EPS8: variants seen among roughly 807,000 people sequenced by gnomAD.
EPS8 encodes the protein epidermal growth factor receptor kinase substrate 8.
EPS8 carries 42 observed loss-of-function variants against 103.8 expected under a neutral mutation model. The observed-to-expected ratio is 0.40, with a 90% CI of 0.32 to 0.52. The LOEUF (loss-of-function observed/expected upper bound fraction) is 0.52. Among genes scored for constraint, EPS8 ranks in the 20% least tolerant of loss-of-function variants. EPS8 has a pLI of 0.40. For missense variants in EPS8, 969 were observed against 1,005.1 expected (o/e 0.96, Z 0.49); for synonymous variants, 344 against 344.6 (o/e 1.00, Z 0.02).
intron 12 of EPS8, among the ~76,000 whole-genome samples, chr12:15,657,597 AT>A (rs1362379911): frequency 6.6e-6 from 1 of 152,190 alleles, no homozygotes; most frequent in Non-Finnish European, 1.5e-5. Context: ...CTCAATTTGT[AT>A]TTGTAGAACC....
At chr12:15,662,748 T>A in intron 8 of EPS8, 2 of 693,796 alleles carry the variant, frequency 2.9e-6, no homozygotes, top group Non-Finnish European at 3.5e-6. Flanking sequence ...TATCATGAAC[T>A]CCTTCCTGGT....
chr12:15,696,527 G>A lies in EPS8; in HGVS notation c.-21-13555C>T, dbSNP rs1946245316. On this transcript the variant is annotated intron_variant, in intron 1 of 20. Coordinates refer to ENST00000281172, the MANE Select transcript of EPS8 (RefSeq NM_004447.6). This position sits in a 1 kb window ranked among gnomAD's most constrained non-coding sequence, Gnocchi z 4.8. ...ATGATGACATATACCTGTAATCCCA[G>A]CTACTCGGGAGGCTAAGGCAGAAGA... Among the ~76,000 whole-genome samples the A allele has an allele frequency of 6.6e-6, 1 of 152,050 alleles. No individual in the cohort carries two copies. The highest frequency in any genetic ancestry group is 2.4e-5 in the African/African-American group (1 of 41,400).
At chr12:15,754,664 C>G (rs1013285171) in intron 1 of EPS8, among the ~76,000 whole-genome samples, 1 of 152,166 alleles carries the variant, frequency 6.6e-6, no homozygotes, top group African/African-American at 2.4e-5. Flanking sequence ...TTTGAACACC[C>G]AACTTCATGT....
chr12:15,737,671 A>G (rs1269832678), intron 1 of EPS8, among the ~76,000 whole-genome samples: 3 of 152,210 alleles, frequency 2.0e-5, no homozygotes, highest in African/African-American at 7.2e-5. Flanking sequence ...CTGAAAACAG[A>G]AAGTCCGGCT....
chr12:15,770,708 C>T (rs1161298612), intron 1 of EPS8, among the ~76,000 whole-genome samples: 1 of 152,132 alleles, frequency 6.6e-6, no homozygotes, highest in Non-Finnish European at 1.5e-5. Context: ...GCATGTTTGC[C>T]AGAAGGGTTT....
rs554138421 is a variant in EPS8, at chr12:15,736,182, G to A, written c.-22+52979C>T. Among the ~76,000 whole-genome samples, 63 of 152,176 alleles carry A rather than the reference G, an allele frequency of 4.1e-4. No homozygotes were observed. Among genetic ancestry groups the A allele is most frequent in the African/African-American group, 1.2e-3 (48 of 41,514 alleles). ...AATTACAATCATGAGCCACTGTGCC[G>A]GGCCGAGTTTGTGTTTTAAACCAAA... is the stretch of plus-strand genomic sequence containing the variant. On this transcript the variant is annotated intron_variant, in intron 1 of 20. Coordinates refer to ENST00000281172, the MANE Select transcript of EPS8 (RefSeq NM_004447.6). This position sits in a 1 kb window ranked among gnomAD's most constrained non-coding sequence, Gnocchi z 4.2.
intron 9 of EPS8, among the ~76,000 whole-genome samples, 167 bp downstream of exon 9, chr12:15,661,859 C>A (rs767840906): frequency 3.3e-5 from 5 of 152,120 alleles, no homozygotes; most frequent in African/African-American, 9.7e-5. Context: ...AAATGTTTAA[C>A]GAGAAAATAA....
intron 1 of EPS8, among the ~76,000 whole-genome samples, chr12:15,689,916 C>A (rs560571955): frequency 1.3e-5 from 2 of 152,264 alleles, no homozygotes; most frequent in South Asian, 4.1e-4. Context: ...TTGGTAATAT[C>A]ATCTTTAATG....
chr12:15,646,588 A>T (rs1461547939), intron 15 of EPS8, among the ~76,000 whole-genome samples: 4 of 152,214 alleles, frequency 2.6e-5, no homozygotes, highest in Admixed American at 2.6e-4. Flanking sequence ...AAATTTTTTA[A>T]GAGTGAAGAT....
chr12:15,627,028 T>C (rs1307682993), intron 18 of EPS8, among the ~76,000 whole-genome samples: 2 of 151,630 alleles, frequency 1.3e-5, no homozygotes, highest in Non-Finnish European at 2.9e-5. Context: ...TGAGAAAGAG[T>C]CTCACTCTGT....
In EPS8 at chr12:15,717,189, A is replaced by ACATGCCTGG. The variant is rs1471262458; in HGVS notation, c.-21-34226_-21-34218dup. Among the ~76,000 whole-genome samples the ACATGCCTGG allele has an allele frequency of 1.3e-4, 20 of 152,352 alleles. No homozygotes were observed. Among genetic ancestry groups the ACATGCCTGG allele is most frequent in the African/African-American group, 4.6e-4 (19 of 41,584 alleles). The stretch of plus-strand genomic sequence containing the variant: ...CAATTATAGTCATGCAAAAGGACAA[A>ACATGCCTGG]CATGCCTGGCATGTAAATGATGGGA... On this transcript the variant is annotated intron_variant, in intron 1 of 20. Transcript: ENST00000281172. The surrounding 1 kb of genome is among the most constrained non-coding windows in gnomAD (Gnocchi z 4.3).
chr12:15,669,359 A>C, intron 6 of EPS8, 28 bp downstream of exon 6: 1 of 1,587,894 alleles, frequency 6.3e-7, no homozygotes, highest in Non-Finnish European at 8.6e-7. Flanking sequence ...TGCTTAAAGA[A>C]GAAACAAAAA....
Position 15,688,955 on chromosome 12 carries a change from C to T in EPS8, c.-21-5983G>A, listed in dbSNP as rs959017340. On this transcript the variant is annotated intron_variant, in intron 1 of 20. Transcript: ENST00000281172. This position sits in a 1 kb window ranked among gnomAD's most constrained non-coding sequence, Gnocchi z 5.1. ...CCTAGACACTGCTGTGGGATTGGAA[C>T]CTCACAGCCTGCCAGTCTGCATGCT... 6.6e-5 allele frequency among the ~76,000 whole-genome samples: 10 copies of T among 152,154 alleles called. No individual in the cohort carries two copies. The highest frequency in any genetic ancestry group is 2.4e-4 in the African/African-American group (10 of 41,440).
At position 15,690,300 on chromosome 12, in the gene EPS8, C is replaced by T. The variant is rs555428371; in HGVS notation, c.-21-7328G>A. On this transcript the variant is annotated intron_variant, in intron 1 of 20. Coordinates refer to ENST00000281172, the MANE Select transcript of EPS8 (RefSeq NM_004447.6). This position sits in a 1 kb window ranked among gnomAD's most constrained non-coding sequence, Gnocchi z 4.7. Reference sequence around the variant, plus strand: ...TTCTCTAAATCATAAATACATCTCCCGAATATTACTACAAGTAAAAACTTA... The same window carrying T: ...TTCTCTAAATCATAAATACATCTCCTGAATATTACTACAAGTAAAAACTTA... Among the ~76,000 whole-genome samples, 2 of 152,154 alleles carry T rather than the reference C, an allele frequency of 1.3e-5. No individual in the cohort carries two copies. Among genetic ancestry groups the T allele is most frequent in the African/African-American group, 2.4e-5 (1 of 41,424 alleles).
In EPS8 at chr12:15,669,778, A is replaced by T; in HGVS notation, c.252T>A (p.Val84=). The T allele has an allele frequency of 1.2e-6, 2 of 1,613,104 alleles. No homozygotes were observed. The highest frequency in any genetic ancestry group is 1.7e-6 in the Non-Finnish European group (2 of 1,179,706). Residue 84 remains valine (V), a synonymous_variant, in exon 5 of 21, where the codon GTT becomes GTA. Transcript: ENST00000281172. ...ATTTCAATTTCCTTATTCCATCATC[A>T]ACAGTGATCATAGCATCTTTCCGAT... ...VLDRKDAMIT[V]DDGIRKLKLL... is the part of the protein sequence containing the mutation.
chr12:15,782,665 A>G (rs1421801150), intron 1 of EPS8, among the ~76,000 whole-genome samples: 1 of 152,210 alleles, frequency 6.6e-6, no homozygotes, highest in African/African-American at 2.4e-5. Context: ...AATTTATTAG[A>G]AAAAATTAAA....
intron 3 of EPS8, among the ~76,000 whole-genome samples, chr12:15,673,329 G>C: frequency 6.6e-6 from 1 of 152,110 alleles, no homozygotes; most frequent in East Asian, 1.9e-4. Flanking sequence ...AAATAAACTA[G>C]TAGTTCCAGT....
intron 1 of EPS8, among the ~76,000 whole-genome samples, chr12:15,710,439 G>A (rs1170360564): frequency 6.6e-6 from 1 of 152,078 alleles, no homozygotes; most frequent in Non-Finnish European, 1.5e-5. Context: ...TCTAAGACAA[G>A]CTTAAGAAAC....
chr12:15,762,427 C>T lies in EPS8; in HGVS notation c.-22+26734G>A, dbSNP rs12818846. On this transcript the variant is annotated intron_variant, in intron 1 of 20. Transcript: ENST00000281172. The surrounding 1 kb of genome is among the most constrained non-coding windows in gnomAD (Gnocchi z 4.8). The stretch of plus-strand genomic sequence containing the variant: ...GCTACATTATGATCCAGCAATCGCG[C>T]TGCTAGGTATAGACCCAAAAGAAAG... Among the ~76,000 whole-genome samples the T allele has an allele frequency of 7.8e-3, 1,184 of 152,282 alleles. 7 individuals are homozygous for T. Among genetic ancestry groups the T allele is most frequent in the Non-Finnish European group, 0.012 (846 of 68,006 alleles).
Sources: allele counts gnomAD v4.1 joint callset (sites outside exome capture counted in the v4.1 genomes callset), GRCh38; gene constraint gnomAD v4.1.1; non-coding constraint Gnocchi (gnomAD v3.1); transcripts MANE v1.5; gene names NCBI Gene and HGNC (gene_info 2026-07-23, HGNC 2026-07-21).